Variants in CSMD1 observed in about 807,000 individuals in gnomAD.
CSMD1 encodes the protein CUB and Sushi multiple domains 1, also known as CUB and sushi domain-containing protein 1.
A neutral mutation model predicts 417.5 loss-of-function variants in CSMD1; 213 were observed. The ratio of observed to expected loss-of-function variants is 0.51; its 90% CI spans 0.46 to 0.57. The LOEUF is 0.57. CSMD1 is among the 20% of genes least tolerant of loss of function. The pLI is 0.00. For synonymous variants in CSMD1, 2,862 were observed against 1,736.8 expected, an observed-to-expected ratio of 1.65 and a Z score of -16.11; for missense variants, 6,923 against 4,529.7, an observed-to-expected ratio of 1.53 and a Z score of -15.17.
chr8:4,548,757 C>T (rs772649195), intron 2 of CSMD1, among the ~76,000 whole-genome samples: 11 of 152,132 alleles, frequency 7.2e-5, no homozygotes, highest in Non-Finnish European at 1.5e-4. Context: ...TTGAAAGCAG[C>T]TGCATTCCCA....
chr8:3,320,791 T>G (rs183227433), intron 23 of CSMD1, among the ~76,000 whole-genome samples: 176 of 152,306 alleles, frequency 1.2e-3, no homozygotes, highest in African/African-American at 4.1e-3. Context: ...TCCTGAGGCA[T>G]TAATAACCTA....
chr8:3,587,364 G>C (rs2117006082), intron 8 of CSMD1, among the ~76,000 whole-genome samples: 1 of 152,282 alleles, frequency 6.6e-6, no homozygotes, highest in Middle Eastern at 3.4e-3. Context: ...ATTGTTACAA[G>C]AGGAAATTCT....
In CSMD1 at chr8:3,963,214, G is replaced by A. The variant is rs761362944; in HGVS notation, c.818+34689C>T. 1.3e-5 allele frequency among the ~76,000 whole-genome samples: 2 copies of A among 152,112 alleles called. 1 individual carries two copies. Among genetic ancestry groups the A allele is most frequent in the Non-Finnish European group, 2.9e-5 (2 of 68,030 alleles). ...CCCAAAGTGCTGGGATCACAGGCTT[G>A]AGCCACCGCACCCGGCCTCAGTGTT... On this transcript the variant is annotated intron_variant, in intron 5 of 69. Transcript: ENST00000635120.
intron 1 of CSMD1, among the ~76,000 whole-genome samples, chr8:4,678,436 A>G (rs1004502763): frequency 6.6e-6 from 1 of 152,182 alleles, no homozygotes; most frequent in African/African-American, 2.4e-5. Context: ...GAATTTGTTA[A>G]CAAAACTAAA....
chr8:4,277,742 T>C (rs1278825491), intron 3 of CSMD1, among the ~76,000 whole-genome samples: 2 of 152,112 alleles, frequency 1.3e-5, no homozygotes, highest in African/African-American at 4.8e-5. Context: ...ATTCCCTAAA[T>C]GTATTTTTAT....
intron 1 of CSMD1, among the ~76,000 whole-genome samples, chr8:4,769,395 T>C (rs370136079): frequency 6.6e-6 from 1 of 152,174 alleles, no homozygotes; most frequent in Non-Finnish European, 1.5e-5. Context: ...AGCAAACAAG[T>C]GCAATTTTAC....
chr8:4,626,611 G>A (rs999948162), intron 2 of CSMD1, among the ~76,000 whole-genome samples: 6 of 152,078 alleles, frequency 3.9e-5, no homozygotes, highest in Non-Finnish European at 7.4e-5. Context: ...GGTCAGGACC[G>A]CAGGGGGCAG....
intron 3 of CSMD1, among the ~76,000 whole-genome samples, chr8:4,362,158 A>G (rs1801804392): frequency 6.6e-6 from 1 of 152,216 alleles, no homozygotes; most frequent in Non-Finnish European, 1.5e-5. Context: ...GGGTAATTCA[A>G]TTTACATGAG....
intron 1 of CSMD1, among the ~76,000 whole-genome samples, chr8:4,984,111 G>A (rs947279211): frequency 6.6e-6 from 1 of 152,172 alleles, no homozygotes; most frequent in Admixed American, 6.5e-5. Context: ...AAGATACATG[G>A]CCAGTAAATC....
At chr8:3,179,227 G>C (rs919604022) in intron 37 of CSMD1, among the ~76,000 whole-genome samples, 2 of 152,038 alleles carry the variant, frequency 1.3e-5, no homozygotes, top group Admixed American at 6.5e-5. Flanking sequence ...TTACAGGCGT[G>C]AGCCACCGCG....
At chr8:4,532,012 C>T (rs1299799848) in intron 2 of CSMD1, among the ~76,000 whole-genome samples, 1 of 150,328 alleles carries the variant, frequency 6.7e-6, no homozygotes, top group Non-Finnish European at 1.5e-5. Flanking sequence ...CATTCAGTCA[C>T]TCCGGAAGAG....
At chr8:3,437,324 T>C (rs141270777) in intron 12 of CSMD1, among the ~76,000 whole-genome samples, 10 of 152,346 alleles carry the variant, frequency 6.6e-5, no homozygotes, top group African/African-American at 2.4e-4. Context: ...TCCATTATTA[T>C]TGGCCTCAAC....
intron 5 of CSMD1, among the ~76,000 whole-genome samples, chr8:3,993,796 C>T (rs1238073933): frequency 3.3e-5 from 5 of 152,160 alleles, no homozygotes; most frequent in African/African-American, 1.2e-4. Flanking sequence ...ATCACACAAC[C>T]TGTTTGTTTC....
rs533428409 is a variant in CSMD1 at position 4,933,799 on chromosome 8, C to A, written c.85+60533G>T. Among the ~76,000 whole-genome samples, 99 of 152,174 alleles carry A rather than the reference C, an allele frequency of 6.5e-4. 2 individuals are homozygous for A. The South Asian group carries it at 0.019, about 29-fold the overall frequency. ...TCTTCCTCTCTTCCTTCTAAAGGGA[C>A]CTAGATGTGAGCCCGATACATTTAT... On this transcript the variant is annotated intron_variant, in intron 1 of 69. Coordinates refer to ENST00000635120, the MANE Select transcript of CSMD1 (RefSeq NM_033225.6).
chr8:4,593,072 C>T lies in CSMD1; in HGVS notation c.302+44270G>A, dbSNP rs147548950. Among the ~76,000 whole-genome samples the T allele has an allele frequency of 3.9e-3, 595 of 152,184 alleles. 6 individuals are homozygous for T. The highest frequency in any genetic ancestry group is 0.014 in the African/African-American group (576 of 41,520). ...AAATCACTGGTGTCATCTCATCCTG[C>T]GATATCTTGCATAATGCATCCGGGC... is the stretch of plus-strand genomic sequence containing the variant. On this transcript the variant is annotated intron_variant, in intron 2 of 69. Coordinates refer to ENST00000635120, the MANE Select transcript of CSMD1 (RefSeq NM_033225.6).
chr8:4,807,415 A>G (rs1335791926), intron 1 of CSMD1, among the ~76,000 whole-genome samples: 1 of 152,080 alleles, frequency 6.6e-6, no homozygotes, highest in East Asian at 1.9e-4. Flanking sequence ...AGGCAGCCAA[A>G]CATTCTCACA....
At chr8:3,363,614 G>T (rs866880485) in intron 20 of CSMD1, among the ~76,000 whole-genome samples, 6 of 152,082 alleles carry the variant, frequency 3.9e-5, no homozygotes, top group Admixed American at 6.6e-5. Context: ...TGCAAGCTCC[G>T]CTTCCCGGGT....
intron 2 of CSMD1, among the ~76,000 whole-genome samples, chr8:4,628,528 G>C (rs1802269876): frequency 2.0e-5 from 3 of 151,290 alleles, no homozygotes; most frequent in South Asian, 4.2e-4. Flanking sequence ...GAGAGAGAAA[G>C]AGACATAGGA....
At chr8:4,756,577 T>C (rs1811680636) in intron 1 of CSMD1, among the ~76,000 whole-genome samples, 1 of 152,198 alleles carries the variant, frequency 6.6e-6, no homozygotes, top group African/African-American at 2.4e-5. Context: ...AGAGCATGCG[T>C]TCTAGACTTG....
Sources: gnomAD v4.1 joint callset for allele counts (sites outside exome capture counted in the v4.1 genomes callset) on GRCh38, gnomAD v4.1.1 for gene constraint, MANE v1.5 for transcripts, NCBI Gene and HGNC (gene_info 2026-07-23, HGNC 2026-07-21) for gene names.